The following TTLL11 variants were observed in gnomAD, a reference collection of about 807,000 sequenced individuals.
TTLL11 encodes tubulin polyglutamylase TTLL11.
In TTLL11, 42 loss-of-function variants were observed where a neutral mutation model predicts 51.7. The observed-to-expected ratio is 0.81, with a 90% CI of 0.64 to 1.05. The LOEUF is 1.05. Among genes scored for constraint, TTLL11 ranks in the 50% least tolerant of loss-of-function variants. The pLI is 0.00. For missense variants in TTLL11, 799 were observed against 940.4 expected (o/e 0.85, Z 1.97); for synonymous variants, 381 against 383.5 (o/e 0.99, Z 0.08).
At chr9:121,826,184 C>CCA (rs1491277758) in intron 8 of TTLL11, among the ~76,000 whole-genome samples, 31,348 of 50,836 alleles carry the variant, frequency 0.62, 10,271 homozygotes, top group East Asian at 0.83. Flanking sequence ...AACCAGTAAC[C>CCA]TATATATATA....
intron 8 of TTLL11, among the ~76,000 whole-genome samples, chr9:121,844,110 A>G (rs1837441521): frequency 1.3e-5 from 2 of 152,222 alleles, no homozygotes; most frequent in Non-Finnish European, 2.9e-5. Context: ...GTCACAGCCC[A>G]TGGACTCAAG....
At chr9:121,981,170 C>T (rs531265991) in intron 4 of TTLL11, among the ~76,000 whole-genome samples, 2 of 151,410 alleles carry the variant, frequency 1.3e-5, no homozygotes, top group Non-Finnish European at 2.9e-5. Context: ...CTCTCTTCTG[C>T]CCTGGGACTT....
chr9:122,017,750 C>T (rs1337534012), intron 3 of TTLL11, among the ~76,000 whole-genome samples: 12 of 152,112 alleles, frequency 7.9e-5, no homozygotes, highest in Admixed American at 6.6e-4. Flanking sequence ...CGTGAGCCAC[C>T]GTGCCCAGCC....
intron 2 of TTLL11, among the ~76,000 whole-genome samples, chr9:122,032,422 A>C: frequency 6.6e-6 from 1 of 152,210 alleles, no homozygotes. Flanking sequence ...GAATACCAAA[A>C]TTTATACTTC....
chr9:121,848,327 G>A (rs150149503), intron 8 of TTLL11, among the ~76,000 whole-genome samples: 3 of 152,120 alleles, frequency 2.0e-5, no homozygotes, highest in Non-Finnish European at 2.9e-5. Flanking sequence ...TAAATTAGAC[G>A]CTTGCCTCTT....
chr9:121,914,526 T>C (rs73664720), intron 6 of TTLL11, among the ~76,000 whole-genome samples: 4,462 of 152,278 alleles, frequency 0.029, 163 homozygotes, highest in African/African-American at 0.082. Flanking sequence ...AGATGTTATC[T>C]ATCTCAGCAG....
At chr9:122,067,863 A>G (rs894210335) in intron 1 of TTLL11, among the ~76,000 whole-genome samples, 1 of 152,236 alleles carries the variant, frequency 6.6e-6, no homozygotes, top group African/African-American at 2.4e-5. Flanking sequence ...TGACAAGCCA[A>G]ATCTCAAGTC....
intron 2 of TTLL11, among the ~76,000 whole-genome samples, chr9:122,038,505 C>T (rs1201525217): frequency 3.9e-5 from 6 of 151,968 alleles, no homozygotes; most frequent in African/African-American, 7.3e-5. Flanking sequence ...CAAAATTAGC[C>T]GGGTATGGTG....
chr9:121,899,373 A>G (rs1316471131), intron 6 of TTLL11, among the ~76,000 whole-genome samples: 3 of 68,624 alleles, frequency 4.4e-5, no homozygotes, highest in African/African-American at 1.4e-4. Context: ...GTGTATATAT[A>G]TATACATATA....
At chr9:121,967,515 G>A (rs1483220970) in intron 6 of TTLL11, among the ~76,000 whole-genome samples, 3 of 152,220 alleles carry the variant, frequency 2.0e-5, no homozygotes, top group East Asian at 3.9e-4. Context: ...GAGCCACCGC[G>A]CCCAGCCTCA....
chr9:121,904,487 A>G (rs1227305653), intron 6 of TTLL11, among the ~76,000 whole-genome samples: 1 of 152,124 alleles, frequency 6.6e-6, no homozygotes, highest in African/African-American at 2.4e-5. Flanking sequence ...ATACATTCCT[A>G]CATGTTTAAT....
chr9:121,918,239 A>G (rs1840409069), intron 6 of TTLL11, among the ~76,000 whole-genome samples: 1 of 152,236 alleles, frequency 6.6e-6, no homozygotes, highest in South Asian at 2.1e-4. Flanking sequence ...ATGAATGTGC[A>G]GAGTGAGACT....
At position 121,963,019 on chromosome 9, in the gene TTLL11, G is replaced by A. The variant is rs564046637; in HGVS notation, c.1481+10990C>T. 2.8e-4 allele frequency among the ~76,000 whole-genome samples: 42 copies of A among 152,286 alleles called. No individual in the cohort carries two copies. In the South Asian group the frequency reaches 7.7e-3, roughly 28 times the overall value. The stretch of plus-strand genomic sequence containing the variant: ...CTGCACGTCTGTTCTCTTGCAGGGC[G>A]AGAGCTAGACAGACCTGGCTTTAAA... On this transcript the variant is annotated intron_variant, in intron 6 of 8. Transcript: ENST00000321582.
chr9:122,086,820 T>C (rs1216179819), intron 1 of TTLL11, among the ~76,000 whole-genome samples: 1 of 152,208 alleles, frequency 6.6e-6, no homozygotes, highest in Non-Finnish European at 1.5e-5. Flanking sequence ...GGTTAAGAAG[T>C]AGAGAATCAT....
rs1836573260 is a variant in TTLL11, at chr9:121,821,379, C to T, written c.*1208G>A. On this transcript the variant is annotated 3_prime_UTR_variant, in exon 9 of 9. Transcript: ENST00000321582. The surrounding 1 kb of genome is among the most constrained non-coding windows in gnomAD (Gnocchi z 5.0). Reference sequence around the variant, plus strand: ...TACTAGCGCCTCAAATACTTTCCTGCACCTCGCTTGGAGCACGATGACTGA... The same window carrying T: ...TACTAGCGCCTCAAATACTTTCCTGTACCTCGCTTGGAGCACGATGACTGA... 6.6e-6 allele frequency among the ~76,000 whole-genome samples: 1 copy of T among 152,172 alleles called. No homozygotes were observed.
At chr9:121,873,581 C>T (rs979108888) in intron 6 of TTLL11, among the ~76,000 whole-genome samples, 3 of 151,412 alleles carry the variant, frequency 2.0e-5, no homozygotes, top group South Asian at 2.1e-4. Flanking sequence ...CAAAGTGCTG[C>T]GATTACAGGC....
chr9:122,005,710 A>G (rs13292569), intron 3 of TTLL11, among the ~76,000 whole-genome samples: 32,027 of 152,158 alleles, frequency 0.21, 3,706 homozygotes, highest in Non-Finnish European at 0.25. Context: ...CCAGCAATAT[A>G]ACAACATGTT....
intron 6 of TTLL11, among the ~76,000 whole-genome samples, chr9:121,920,968 C>G (rs1840520055): frequency 6.6e-6 from 1 of 152,220 alleles, no homozygotes; most frequent in South Asian, 2.1e-4. Flanking sequence ...CATCCTCATG[C>G]TTTTGAGTTA....
intron 6 of TTLL11, among the ~76,000 whole-genome samples, chr9:121,971,404 A>G (rs1226372742): frequency 7.5e-5 from 7 of 93,402 alleles, no homozygotes; most frequent in Middle Eastern, 5.4e-3. Context: ...TGGGGGGGTC[A>G]GCCCCCCGCC....
Sources: gnomAD v4.1 joint callset for allele counts (sites outside exome capture counted in the v4.1 genomes callset) on GRCh38, gnomAD v4.1.1 for gene constraint, Gnocchi (gnomAD v3.1) non-coding constraint, MANE v1.5 for transcripts, NCBI Gene and HGNC (gene_info 2026-07-23, HGNC 2026-07-21) for gene names.